RAD51B: variants seen among roughly 807,000 people sequenced by gnomAD.
The protein encoded by RAD51B is RAD51 paralog B, also known as DNA repair protein RAD51 homolog 2.
In RAD51B, 38 loss-of-function variants were observed where a neutral mutation model predicts 42.2. The observed-to-expected ratio is 0.90, with a 90% CI of 0.70 to 1.18. RAD51B has a LOEUF of 1.18. Among genes scored for constraint, RAD51B ranks in the 50% most tolerant of loss-of-function variants. The pLI is 0.00. For synonymous variants in RAD51B, 154 were observed against 145.2 expected, an observed-to-expected ratio of 1.06 and a Z score of -0.43; for missense variants, 373 against 400.7, an observed-to-expected ratio of 0.93 and a Z score of 0.59.
In RAD51B at chr14:68,565,945, G is replaced by A. The variant is rs1015772579; in HGVS notation, c.1037-28540G>A. On this transcript the variant is annotated intron_variant, in intron 10 of 10. Coordinates refer to the RAD51B transcript ENST00000487270. This position sits in a 1 kb window ranked among gnomAD's most constrained non-coding sequence, Gnocchi z 4.1. Reference sequence around the variant, plus strand: ...TGGCCACAAGCCACTCTTGCTGAAGGAAGTGTGTCTGCTTTTATACCTTGG... The same window carrying A: ...TGGCCACAAGCCACTCTTGCTGAAGAAAGTGTGTCTGCTTTTATACCTTGG... Among the ~76,000 whole-genome samples, 23 of 152,324 alleles carry A rather than the reference G, an allele frequency of 1.5e-4. No homozygotes were observed. The highest frequency in any genetic ancestry group is 2.4e-4 in the Non-Finnish European group (16 of 68,034).
chr14:68,437,873 G>C (rs191919054), intron 9 of RAD51B, among the ~76,000 whole-genome samples: 1 of 152,154 alleles, frequency 6.6e-6, no homozygotes, highest in Non-Finnish European at 1.5e-5. Context: ...GTGTGATACT[G>C]GAAACAAAAC....
intron 10 of RAD51B, among the ~76,000 whole-genome samples, chr14:68,528,014 A>T (rs964265058): frequency 1.3e-5 from 2 of 152,164 alleles, no homozygotes; most frequent in Admixed American, 6.5e-5. Context: ...TTTTTTTAAA[A>T]GTCTTCCATC....
At chr14:68,652,927 C>G (rs529453454) in intron 11 of RAD51B, among the ~76,000 whole-genome samples, 1 of 152,258 alleles carries the variant, frequency 6.6e-6, no homozygotes, top group East Asian at 1.9e-4. Context: ...AATCACAGGC[C>G]CCTAATTTAA....
At chr14:68,010,222 T>C (rs963423930) in intron 7 of RAD51B, among the ~76,000 whole-genome samples, 2 of 151,668 alleles carry the variant, frequency 1.3e-5, no homozygotes, top group African/African-American at 4.8e-5. Context: ...CTAAGGAGAG[T>C]TGTAAGGAGG....
chr14:68,300,233 A>G (rs1566793505), intron 8 of RAD51B, among the ~76,000 whole-genome samples: 2 of 151,700 alleles, frequency 1.3e-5, no homozygotes, highest in Admixed American at 1.3e-4. Context: ...TCTTCCATTT[A>G]TTATTTATTT....
At chr14:68,346,270 A>G (rs993176610) in intron 8 of RAD51B, among the ~76,000 whole-genome samples, 3 of 152,242 alleles carry the variant, frequency 2.0e-5, no homozygotes, top group Admixed American at 6.5e-5. Context: ...CTGAAGCGCA[A>G]CTTCATTTGA....
At chr14:68,264,686 G>A (rs185454696) in intron 7 of RAD51B, among the ~76,000 whole-genome samples, 113 of 152,206 alleles carry the variant, frequency 7.4e-4, no homozygotes, top group African/African-American at 2.6e-3. Flanking sequence ...GGTTGAGCAG[G>A]GATTATTTTA....
intron 8 of RAD51B, among the ~76,000 whole-genome samples, chr14:68,381,896 G>A (rs1450876657): frequency 3.3e-5 from 5 of 152,120 alleles, no homozygotes; most frequent in African/African-American, 1.2e-4. Flanking sequence ...TCTCCTGCAT[G>A]GAACCCTGTC....
In RAD51B at chr14:68,234,063, G is replaced by T. The variant is rs572192679; in HGVS notation, c.757-57821G>T. Among the ~76,000 whole-genome samples the T allele has an allele frequency of 1.2e-4, 18 of 152,282 alleles. 1 individual carries two copies. In the South Asian group the frequency reaches 3.1e-3, roughly 26 times the overall value. ...GAACCAGTGGGAAAGCTGCTGTATA[G>T]TCTGGAAGTGGTAGCAGTAAGAGGA... On this transcript the variant is annotated intron_variant, in intron 7 of 10. Transcript: ENST00000471583.
chr14:68,250,822 G>C (rs1010644126), intron 7 of RAD51B, among the ~76,000 whole-genome samples: 4 of 152,222 alleles, frequency 2.6e-5, no homozygotes, highest in African/African-American at 9.6e-5. Flanking sequence ...CAGGAAGGGA[G>C]AGAATATCAG....
intron 10 of RAD51B, among the ~76,000 whole-genome samples, chr14:68,628,685 C>T (rs756570994): frequency 1.4e-4 from 21 of 152,054 alleles, no homozygotes; most frequent in Non-Finnish European, 2.5e-4. Context: ...GGCTGAGTCG[C>T]GGGCGTGGAG....
intron 10 of RAD51B, among the ~76,000 whole-genome samples, chr14:68,524,969 G>A (rs1250433168): frequency 2.6e-5 from 4 of 152,180 alleles, no homozygotes; most frequent in Admixed American, 2.0e-4. Flanking sequence ...TCCCAAAGAC[G>A]TCCAAGTCCT....
chr14:68,245,209 C>T (rs1455055574), intron 7 of RAD51B, among the ~76,000 whole-genome samples: 3 of 152,192 alleles, frequency 2.0e-5, no homozygotes, highest in African/African-American at 7.2e-5. Context: ...TTTAGTACTT[C>T]AAAGATAGTG....
intron 9 of RAD51B, among the ~76,000 whole-genome samples, chr14:68,443,273 G>A (rs2085344262): frequency 1.3e-5 from 2 of 152,178 alleles, no homozygotes; most frequent in African/African-American, 4.8e-5. Flanking sequence ...TGAGAACTTA[G>A]CCTGTGGCTT....
chr14:68,611,911 G>A (rs780028324), downstream of RAD51B, among the ~76,000 whole-genome samples: 17 of 151,904 alleles, frequency 1.1e-4, no homozygotes, highest in Non-Finnish European at 2.5e-4. Context: ...ATAAGGAATC[G>A]GTTCATTCAC....
intron 7 of RAD51B, among the ~76,000 whole-genome samples, chr14:67,899,407 AT>A: frequency 6.6e-6 from 1 of 152,268 alleles, no homozygotes; most frequent in East Asian, 1.9e-4. Context: ...AAAGTGAAAC[AT>A]TTGCATTAGA....
chr14:68,650,018 G>A (rs1405944148), intron 10 of RAD51B, among the ~76,000 whole-genome samples: 1 of 152,140 alleles, frequency 6.6e-6, no homozygotes, highest in African/African-American at 2.4e-5. Context: ...CCATTGGTCT[G>A]GGAGACTCTA....
intron 7 of RAD51B, among the ~76,000 whole-genome samples, chr14:68,118,987 C>T (rs901339334): frequency 6.6e-6 from 1 of 151,968 alleles, no homozygotes; most frequent in Admixed American, 6.6e-5. Flanking sequence ...GACAAAGTCT[C>T]ACTCTGTCAC....
At chr14:67,990,190 G>T (rs903571429) in intron 7 of RAD51B, among the ~76,000 whole-genome samples, 2 of 151,740 alleles carry the variant, frequency 1.3e-5, no homozygotes, top group Non-Finnish European at 2.9e-5. Flanking sequence ...TAGAGATGGG[G>T]TTTCACCATG....
Sources: gnomAD v4.1 joint callset for allele counts (sites outside exome capture counted in the v4.1 genomes callset) on GRCh38, gnomAD v4.1.1 for gene constraint, Gnocchi (gnomAD v3.1) non-coding constraint, MANE v1.5 for transcripts, NCBI Gene and HGNC (gene_info 2026-07-23, HGNC 2026-07-21) for gene names.